Variants in CEP112 observed in about 807,000 individuals in gnomAD.
CEP112 encodes centrosomal protein of 112 kDa.
A neutral mutation model predicts 153.0 loss-of-function variants in CEP112; 127 were observed. The observed-to-expected ratio is 0.83, with a 90% CI of 0.72 to 0.96. The LOEUF (loss-of-function observed/expected upper bound fraction) is 0.96. Ranked by LOEUF, CEP112 falls within the 40% of genes least tolerant of loss-of-function variation. The probability of loss-of-function intolerance (pLI) is 0.00; values close to 1 mark genes in which losing one functional copy is unlikely to be tolerated. For synonymous variants in CEP112, 358 were observed against 374.4 expected (o/e 0.96, Z 0.51); for missense variants, 1,089 against 1,101.2 (o/e 0.99, Z 0.16).
chr17:65,750,964 G>A, intron 21 of CEP112: 1 of 421,182 alleles, frequency 2.4e-6, no homozygotes, highest in Non-Finnish European at 4.2e-6. Flanking sequence ...TGGATAGAAA[G>A]AGAAAGGGAG....
chr17:65,727,700 A>G (rs1249414528), intron 23 of CEP112, among the ~76,000 whole-genome samples: 1 of 152,208 alleles, frequency 6.6e-6, no homozygotes, highest in Non-Finnish European at 1.5e-5. Flanking sequence ...TCAATGTTGT[A>G]GATGGTGACT....
intron 20 of CEP112, among the ~76,000 whole-genome samples, chr17:65,893,432 T>C (rs1254674653): frequency 6.6e-6 from 1 of 152,142 alleles, no homozygotes; most frequent in Non-Finnish European, 1.5e-5. Context: ...TGATTTCTTA[T>C]GATTTTTCCC....
At chr17:65,744,529 G>A (rs895467983) in intron 22 of CEP112, among the ~76,000 whole-genome samples, 7 of 152,210 alleles carry the variant, frequency 4.6e-5, no homozygotes, top group African/African-American at 1.4e-4. Flanking sequence ...ACAGGCGTGA[G>A]CCACCATGCT....
intron 19 of CEP112, chr17:65,914,015 T>G (rs2060381095): frequency 1.3e-5 from 4 of 298,184 alleles, no homozygotes; most frequent in Non-Finnish European, 1.5e-5. Flanking sequence ...AGAAGCCAGA[T>G]AGTCAAATGC....
intron 23 of CEP112, among the ~76,000 whole-genome samples, chr17:65,716,837 G>C (rs1018099245): frequency 2.6e-5 from 4 of 152,252 alleles, no homozygotes; most frequent in Middle Eastern, 3.4e-3. Context: ...CTGTAGAGGG[G>C]CATTTCAGGG....
chr17:65,955,650 A>C (rs114534387), intron 18 of CEP112, among the ~76,000 whole-genome samples: 2,460 of 152,270 alleles, frequency 0.016, 68 homozygotes, highest in African/African-American at 0.056. Context: ...GTAAAGGGGT[A>C]GAAAAAGATA....
chr17:66,149,205 A>G (rs2071055015), intron 4 of CEP112, among the ~76,000 whole-genome samples: 1 of 152,176 alleles, frequency 6.6e-6, no homozygotes, highest in African/African-American at 2.4e-5. Context: ...CATGATGTGT[A>G]AACCTTTAAT....
At chr17:65,974,220 G>A (rs781366214) in intron 17 of CEP112, among the ~76,000 whole-genome samples, 1 of 151,542 alleles carries the variant, frequency 6.6e-6, no homozygotes, top group Non-Finnish European at 1.5e-5. Flanking sequence ...GGGACTACAG[G>A]CACACACCAC....
chr17:66,000,284 T>C (rs1193784221), intron 17 of CEP112, among the ~76,000 whole-genome samples: 4 of 151,922 alleles, frequency 2.6e-5, no homozygotes, highest in South Asian at 2.1e-4. Context: ...TGGTATCTCA[T>C]TGTGGTTTTG....
chr17:65,869,748 T>C (rs2058592253), intron 20 of CEP112, among the ~76,000 whole-genome samples: 1 of 151,816 alleles, frequency 6.6e-6, no homozygotes, highest in Non-Finnish European at 1.5e-5. Flanking sequence ...CACATTCGGC[T>C]AAATTTTTTT....
intron 21 of CEP112, among the ~76,000 whole-genome samples, chr17:65,766,707 TA>T (rs139229209): frequency 2.0e-3 from 274 of 140,254 alleles, no homozygotes; most frequent in Middle Eastern, 3.7e-3. Context: ...ACGCAAATGG[TA>T]AAAAAAAAAA....
intron 18 of CEP112, among the ~76,000 whole-genome samples, chr17:65,954,875 C>A (rs2061952001): frequency 6.6e-6 from 1 of 152,118 alleles, no homozygotes; most frequent in African/African-American, 2.4e-5. Flanking sequence ...AGTTAAACAT[C>A]CAAACCTAAG....
intron 21 of CEP112, among the ~76,000 whole-genome samples, chr17:65,790,041 T>C (rs1033389492): frequency 1.3e-5 from 2 of 152,158 alleles, no homozygotes; most frequent in Admixed American, 6.6e-5. Flanking sequence ...TGGGTAGCCT[T>C]GCCTCTTCCC....
intron 17 of CEP112, among the ~76,000 whole-genome samples, chr17:65,969,867 T>G (rs543642362): frequency 6.6e-6 from 1 of 152,340 alleles, no homozygotes; most frequent in East Asian, 1.9e-4. Context: ...GCAAATTACA[T>G]GTGCATTATG....
At chr17:66,141,843 C>T (rs139919764) in intron 4 of CEP112, among the ~76,000 whole-genome samples, 1 of 152,214 alleles carries the variant, frequency 6.6e-6, no homozygotes, top group East Asian at 1.9e-4. Context: ...GCAGTGAACA[C>T]AGGAGTACAG....
chr17:65,778,636 T>A (rs2053825648), intron 21 of CEP112, among the ~76,000 whole-genome samples: 1 of 152,182 alleles, frequency 6.6e-6, no homozygotes, highest in African/African-American at 2.4e-5. Flanking sequence ...TTGGTGAGAT[T>A]TTTATAGCTT....
chr17:66,141,006 T>G (rs893718819), intron 4 of CEP112, among the ~76,000 whole-genome samples: 1 of 152,110 alleles, frequency 6.6e-6, no homozygotes, highest in African/African-American at 2.4e-5. Flanking sequence ...TGAGTACTAC[T>G]TCTTTATTGC....
At chr17:65,918,890 C>T (rs922886723) in intron 19 of CEP112, among the ~76,000 whole-genome samples, 2 of 152,180 alleles carry the variant, frequency 1.3e-5, no homozygotes, top group Non-Finnish European at 2.9e-5. Flanking sequence ...CACTTCATTA[C>T]AGTTCCTGGC....
intron 17 of CEP112, among the ~76,000 whole-genome samples, chr17:65,998,148 A>C (rs905822034): frequency 8.6e-5 from 13 of 151,968 alleles, no homozygotes; most frequent in African/African-American, 2.9e-4. Context: ...GAGAGGCCTG[A>C]GGTGGATGGA....
Sources: gnomAD v4.1 joint callset for allele counts (sites outside exome capture counted in the v4.1 genomes callset) on GRCh38, gnomAD v4.1.1 for gene constraint, MANE v1.5 for transcripts, NCBI Gene and HGNC (gene_info 2026-07-23, HGNC 2026-07-21) for gene names.